ESD: variants seen among roughly 807,000 people sequenced by gnomAD.
ESD encodes the protein esterase D, also known as S-formylglutathione hydrolase.
In ESD, 34 loss-of-function variants were observed where a neutral mutation model predicts 38.1. The ratio of observed to expected loss-of-function variants is 0.89; its 90% CI spans 0.68 to 1.19. The LOEUF is 1.19. Ranked by LOEUF, ESD falls within the 50% of genes most tolerant of loss-of-function variation. The pLI, the probability that ESD is intolerant of heterozygous loss-of-function variation, is 0.00. For synonymous variants in ESD, 97 were observed against 107.0 expected (o/e 0.91, Z 0.58); for missense variants, 334 against 327.2 (o/e 1.02, Z -0.16).
rs773122451 is a variant in ESD, at chr13:46,780,039, G to A, written c.502-6C>T. ...GGAGCAAATGCTGACACAGACTTCA[G>A]AAACAAAAGAAATTTAAAAACAAGT... is the stretch of plus-strand genomic sequence containing the variant. On this transcript the variant is annotated splice_region_variant and splice_polypyrimidine_tract_variant and intron_variant, in intron 7 of 9. Coordinates refer to ENST00000378720, the MANE Select transcript of ESD (RefSeq NM_001984.2). The A allele has an allele frequency of 6.4e-7, 1 of 1,560,528 alleles. No individual in the cohort carries two copies. Among genetic ancestry groups the A allele is most frequent in the African/African-American group, 1.4e-5 (1 of 72,428 alleles).
At chr13:46,773,145 G>A (rs1874672931) in intron 9 of ESD, among the ~76,000 whole-genome samples, 1 of 152,154 alleles carries the variant, frequency 6.6e-6, no homozygotes, top group Admixed American at 6.5e-5. Flanking sequence ...TCACCGATGG[G>A]TACTTGGGTT....
intron 9 of ESD, among the ~76,000 whole-genome samples, chr13:46,772,197 C>T (rs1381333187): frequency 6.6e-6 from 1 of 152,048 alleles, no homozygotes; most frequent in African/African-American, 2.4e-5. Flanking sequence ...CATCCCTTAG[C>T]AAATTAGGTA....
intron 9 of ESD, among the ~76,000 whole-genome samples, chr13:46,772,602 T>C (rs370040785): frequency 2.0e-4 from 31 of 152,314 alleles, no homozygotes; most frequent in African/African-American, 7.2e-4. Flanking sequence ...CCATCGCCCT[T>C]TGGCAGGCCC....
At chr13:46,795,105 C>T (rs1280567092) in intron 1 of ESD, among the ~76,000 whole-genome samples, 2 of 152,202 alleles carry the variant, frequency 1.3e-5, no homozygotes, top group Non-Finnish European at 1.5e-5. Context: ...CTTTTTCAGA[C>T]TCATGCCTGT....
intron 3 of ESD, among the ~76,000 whole-genome samples, chr13:46,787,965 A>G (rs1875252948): frequency 6.6e-6 from 1 of 151,804 alleles, no homozygotes; most frequent in Non-Finnish European, 1.5e-5. Context: ...GTTATTATCT[A>G]TTGGCTTCCC....
chr13:46,782,849 AAC>A (rs1245991456), intron 5 of ESD, 58 bp from the exon 6 acceptor site: 18 of 1,589,294 alleles, frequency 1.1e-5, no homozygotes, highest in Non-Finnish European at 1.5e-5. Flanking sequence ...CATGTTTAAT[AAC>A]ACACTTTCAG....
intron 7 of ESD, among the ~76,000 whole-genome samples, chr13:46,780,538 CT>C (rs1555293167): frequency 8.6e-5 from 13 of 151,672 alleles, no homozygotes; most frequent in Non-Finnish European, 1.5e-5. Context: ...GAGATGGGAT[CT>C]CTCAACTTCA....
upstream of ESD, among the ~76,000 whole-genome samples, chr13:46,797,570 T>G (rs1875638044): frequency 6.6e-6 from 1 of 152,160 alleles, no homozygotes; most frequent in South Asian, 2.1e-4. Context: ...CTCCCTCAAC[T>G]CCTCTGTCCC....
At chr13:46,779,017 T>G (rs1182592875) in intron 8 of ESD, among the ~76,000 whole-genome samples, 4 of 151,760 alleles carry the variant, frequency 2.6e-5, no homozygotes, top group Admixed American at 6.6e-5. Context: ...AAGTATTTTC[T>G]GCTTGTTAAC....
At chr13:46,783,519 TATG>T (rs1875085195) in intron 5 of ESD, among the ~76,000 whole-genome samples, 1 of 149,890 alleles carries the variant, frequency 6.7e-6, no homozygotes, top group Non-Finnish European at 1.5e-5. Flanking sequence ...AGTCTTCGTT[TATG>T]ATAACAAAAT....
intron 2 of ESD, among the ~76,000 whole-genome samples, chr13:46,791,928 C>G (rs1288969217): frequency 6.6e-6 from 1 of 151,926 alleles, no homozygotes; most frequent in African/African-American, 2.4e-5. Flanking sequence ...AGACACTAAA[C>G]CAGATCCAAT....
intron 8 of ESD, 145 bp from the exon 9 acceptor site, chr13:46,777,768 G>A: frequency 1.8e-6 from 1 of 545,796 alleles, no homozygotes; most frequent in Non-Finnish European, 2.9e-6. Context: ...TTCAAAATCT[G>A]ACTTGCCAGG....
rs897710033 is a variant in ESD at position 46,771,418 on chromosome 13, A to T, written c.847T>A (p.Ter283ArgextTer5). ...AGATTCTCTTATTTGGAGTTTTTTC[A>T]TGCATTCAGGTATTTAGCATGATGT... is the stretch of plus-strand genomic sequence containing the variant. ...IRHHAKYLNA[*>R] The change falls in exon 10 of 10, where the codon TGA becomes AGA. Residue 283 changes from the stop codon to arginine (R), a stop_lost. Transcript: ENST00000378720. 1.0e-5 allele frequency: 16 copies of T among 1,589,688 alleles called. No homozygotes were observed. The highest frequency in any genetic ancestry group is 1.3e-5 in the Non-Finnish European group (15 of 1,163,152).
At chr13:46,790,333 T>C (rs1875351850) in intron 3 of ESD, among the ~76,000 whole-genome samples, 1 of 152,174 alleles carries the variant, frequency 6.6e-6, no homozygotes, top group Admixed American at 6.5e-5. Flanking sequence ...CAGGTGGAGT[T>C]GTCAATCATT....
chr13:46,796,947 A>T (rs1036416966), intron 1 of ESD, among the ~76,000 whole-genome samples, 158 bp downstream of exon 1: 26 of 152,232 alleles, frequency 1.7e-4, no homozygotes, highest in Non-Finnish European at 1.5e-5. Flanking sequence ...GCCTCCTGTC[A>T]TGGATGGTGG....
intron 7 of ESD, among the ~76,000 whole-genome samples, chr13:46,780,310 C>T (rs1874955295): frequency 6.6e-6 from 1 of 151,616 alleles, no homozygotes; most frequent in Non-Finnish European, 1.5e-5. Context: ...AAGATACAAA[C>T]AGAAGTCTAT....
chr13:46,771,352 C>G lies in ESD; in HGVS notation c.*64G>C. 2 of 951,070 alleles carry G rather than the reference C, an allele frequency of 2.1e-6. No individual in the cohort carries two copies. Among genetic ancestry groups the G allele is most frequent in the East Asian group, 2.8e-5 (1 of 36,216 alleles). 58.9% of individuals were successfully genotyped at this position (951,070 alleles called of 1,614,324 possible). A position where few individuals can be genotyped will look rare whatever the true frequency, so the allele number is the denominator to read the frequency against. ...GTTTTGAATTTTTTTTTTTTTTGCT[C>G]AGCAATACAGTTGCATTTTACAACT... On this transcript the variant is annotated 3_prime_UTR_variant, in exon 10 of 10. Coordinates refer to ENST00000378720, the MANE Select transcript of ESD (RefSeq NM_001984.2).
intron 3 of ESD, among the ~76,000 whole-genome samples, chr13:46,789,244 TTA>T (rs975197783): frequency 2.1e-4 from 32 of 152,322 alleles, no homozygotes; most frequent in Admixed American, 9.8e-4. Context: ...GTGAAGCATA[TTA>T]TTCAGTTGCT....
intron 5 of ESD, 89 bp from the exon 6 acceptor site, chr13:46,782,880 T>A: frequency 6.7e-7 from 1 of 1,489,570 alleles, no homozygotes; most frequent in Non-Finnish European, 9.2e-7. Context: ...GCAAGTCCAT[T>A]TGCATGGGAA....
Sources: allele counts gnomAD v4.1 joint callset (sites outside exome capture counted in the v4.1 genomes callset), GRCh38; gene constraint gnomAD v4.1.1; transcripts MANE v1.5; gene names NCBI Gene and HGNC (gene_info 2026-07-23, HGNC 2026-07-21).